ASH1L: variants seen among roughly 807,000 people sequenced by gnomAD.
ASH1L encodes ASH1 like histone lysine methyltransferase, also known as histone-lysine N-methyltransferase ASH1L.
Under a neutral mutation model 269.0 loss-of-function variants are expected in ASH1L, and 23 were observed. The observed-to-expected ratio is 0.09, with a 90% CI of 0.06 to 0.12. ASH1L has a LOEUF of 0.12. ASH1L is among the 10% of genes least tolerant of loss of function. The pLI, the probability that ASH1L is intolerant of heterozygous loss-of-function variation, is 1.00. For synonymous variants in ASH1L, 1,187 were observed against 1,253.5 expected, an observed-to-expected ratio of 0.95 and a Z score of 1.12; for missense variants, 2,912 against 3,567.8, an observed-to-expected ratio of 0.82 and a Z score of 4.68.
chr1:155,513,121 A>G (rs1668275879), intron 2 of ASH1L, among the ~76,000 whole-genome samples: 1 of 152,138 alleles, frequency 6.6e-6, no homozygotes, highest in South Asian at 2.1e-4. Flanking sequence ...ACTCCTACAC[A>G]TTAGGATGGC....
At chr1:155,356,005 T>C (rs764633830) in intron 15 of ASH1L, among the ~76,000 whole-genome samples, 13 of 151,862 alleles carry the variant, frequency 8.6e-5, no homozygotes, top group South Asian at 8.3e-4. Context: ...TGGCGTGATC[T>C]TGGTTCACTG....
chr1:155,430,750 T>C (rs1571194697), intron 5 of ASH1L, among the ~76,000 whole-genome samples: 1 of 152,204 alleles, frequency 6.6e-6, no homozygotes, highest in East Asian at 1.9e-4. Flanking sequence ...TCTTCCAATA[T>C]CATTTTCAGG....
At chr1:155,421,764 C>T (rs1235523760) in intron 5 of ASH1L, among the ~76,000 whole-genome samples, 1 of 151,210 alleles carries the variant, frequency 6.6e-6, no homozygotes, top group African/African-American at 2.4e-5. Context: ...ACTAGCTACA[C>T]AAAATAAATG....
At chr1:155,357,559 G>A (rs950982042) in intron 14 of ASH1L, 26 bp downstream of exon 14, 9 of 1,613,082 alleles carry the variant, frequency 5.6e-6, no homozygotes, top group Non-Finnish European at 7.6e-6. Context: ...ACAGCTTTTG[G>A]GGAAAGTCAT....
At chr1:155,431,688 G>A (rs563332712) in intron 5 of ASH1L, among the ~76,000 whole-genome samples, 24 of 152,128 alleles carry the variant, frequency 1.6e-4, no homozygotes, top group African/African-American at 4.3e-4. Flanking sequence ...GCTTGAGCCC[G>A]GGAGGTGGAG....
At chr1:155,544,056 G>T (rs1420358473) in intron 1 of ASH1L, among the ~76,000 whole-genome samples, 1 of 151,886 alleles carries the variant, frequency 6.6e-6, no homozygotes, top group African/African-American at 2.4e-5. Flanking sequence ...TTTGAACATG[G>T]CTTACTGTAC....
chr1:155,423,935 C>T (rs1230099104), intron 5 of ASH1L, among the ~76,000 whole-genome samples: 3 of 152,146 alleles, frequency 2.0e-5, no homozygotes, highest in African/African-American at 4.8e-5. Context: ...CCATGTCGGC[C>T]AGGCTGGTCT....
chr1:155,452,849 G>A (rs531133135), intron 4 of ASH1L, among the ~76,000 whole-genome samples: 1 of 152,214 alleles, frequency 6.6e-6, no homozygotes, highest in Admixed American at 6.5e-5. Context: ...GAGCCACCAC[G>A]TCTGACCAAG....
chr1:155,551,019 A>G (rs943112783), intron 1 of ASH1L, among the ~76,000 whole-genome samples: 1 of 152,064 alleles, frequency 6.6e-6, no homozygotes, highest in Non-Finnish European at 1.5e-5. Context: ...ACATGGTCTC[A>G]CTATGTTGCC....
intron 12 of ASH1L, among the ~76,000 whole-genome samples, chr1:155,362,851 CTT>C (rs913707103): frequency 2.6e-5 from 4 of 152,156 alleles, no homozygotes; most frequent in African/African-American, 7.2e-5. Context: ...CCTTTTTCTT[CTT>C]GTCTCCTTAC....
At chr1:155,484,331 A>T (rs1047887371) in intron 2 of ASH1L, among the ~76,000 whole-genome samples, 2 of 148,310 alleles carry the variant, frequency 1.3e-5, no homozygotes, top group African/African-American at 5.0e-5. Flanking sequence ...TCTACTAAAA[A>T]TACAAAAATT....
chr1:155,434,733 C>A (rs928033044), intron 5 of ASH1L, among the ~76,000 whole-genome samples: 1 of 151,738 alleles, frequency 6.6e-6, no homozygotes, highest in Admixed American at 6.6e-5. Flanking sequence ...TGGTGGTGTG[C>A]GCCTGTAATC....
intron 1 of ASH1L, among the ~76,000 whole-genome samples, chr1:155,558,915 G>T (rs906537214): frequency 9.4e-5 from 14 of 148,998 alleles, no homozygotes; most frequent in African/African-American, 3.5e-4. Context: ...GTGGATCTCG[G>T]CTCACTGCAA....
chr1:155,452,315 AG>A (rs1663544111), intron 4 of ASH1L, among the ~76,000 whole-genome samples: 1 of 152,144 alleles, frequency 6.6e-6, no homozygotes, highest in South Asian at 2.1e-4. Context: ...CTGGGATTAC[AG>A]GCGTGACCGA....
intron 2 of ASH1L, among the ~76,000 whole-genome samples, chr1:155,498,187 T>A (rs557009667): frequency 2.0e-5 from 3 of 152,172 alleles, no homozygotes; most frequent in Admixed American, 2.0e-4. Context: ...GTCAAATTCA[T>A]AAAGACAGAA....
chr1:155,498,778 GTCTC>G (rs997458915), intron 2 of ASH1L, among the ~76,000 whole-genome samples: 4 of 151,460 alleles, frequency 2.6e-5, no homozygotes, highest in African/African-American at 7.3e-5. Flanking sequence ...TAGAGACAGG[GTCTC>G]TCTATGTTGC....
intron 15 of ASH1L, among the ~76,000 whole-genome samples, chr1:155,356,164 C>T (rs1381311520): frequency 1.3e-5 from 2 of 151,702 alleles, no homozygotes; most frequent in East Asian, 3.9e-4. Flanking sequence ...CTCAAACTCC[C>T]GACCTCAGGT....
In ASH1L at chr1:155,481,198, G is replaced by A. The variant is rs138929794; in HGVS notation, c.1672C>T (p.Pro558Ser). 1 of 1,614,042 alleles carries A rather than the reference G, an allele frequency of 6.2e-7. No individual in the cohort carries two copies. Among genetic ancestry groups the A allele is most frequent in the African/African-American group, 1.3e-5 (1 of 75,038 alleles). ...GGATTAACAGATACAGTAGGTGATG[G>A]GGAAGGGAGATTGCTTTCTCCTACT... ...SAVGESNLPS[P>S]SPTVSVNPLT... The change falls in exon 3 of 28, where the codon CCA (proline) becomes TCA (serine). Residue 558 changes from proline (P) to serine (S), a missense_variant. Coordinates refer to ENST00000392403, the MANE Select transcript of ASH1L (RefSeq NM_018489.3).
chr1:155,374,149 C>T (rs1379047419), intron 10 of ASH1L, among the ~76,000 whole-genome samples: 2 of 151,988 alleles, frequency 1.3e-5, no homozygotes, highest in Admixed American at 1.3e-4. Flanking sequence ...GCCAACACGG[C>T]GAAACCTCGT....
Sources: allele counts gnomAD v4.1 joint callset (sites outside exome capture counted in the v4.1 genomes callset), GRCh38; gene constraint gnomAD v4.1.1; transcripts MANE v1.5; gene names NCBI Gene and HGNC (gene_info 2026-07-23, HGNC 2026-07-21).